ASCC3: variants seen among roughly 807,000 people sequenced by gnomAD.
ASCC3 encodes ASC-1 complex subunit P200.
Under a neutral mutation model 256.3 loss-of-function variants are expected in ASCC3, and 158 were observed. That is an observed-to-expected ratio of 0.62 (90% CI 0.54 to 0.70). The LOEUF is 0.70. Ranked by LOEUF, ASCC3 falls within the 30% of genes least tolerant of loss-of-function variation. The pLI, the probability that ASCC3 is intolerant of heterozygous loss-of-function variation, is 0.00. For missense variants in ASCC3, 2,259 were observed against 2,626.0 expected (o/e 0.86, Z 3.05); for synonymous variants, 948 against 883.4 (o/e 1.07, Z -1.30).
chr6:100,855,541 C>A (rs562928738), intron 3 of ASCC3, among the ~76,000 whole-genome samples: 1 of 152,278 alleles, frequency 6.6e-6, no homozygotes, highest in Non-Finnish European at 1.5e-5. Flanking sequence ...TTTAAAATTT[C>A]TCTTGTAAAA....
intron 4 of ASCC3, among the ~76,000 whole-genome samples, chr6:100,810,091 C>G (rs1159872208): frequency 6.6e-6 from 1 of 152,156 alleles, no homozygotes; most frequent in African/African-American, 2.4e-5. Context: ...TTGATACCTT[C>G]TATTGCTGGT....
chr6:100,531,895 A>T (rs1774896043), intron 37 of ASCC3, among the ~76,000 whole-genome samples: 1 of 152,120 alleles, frequency 6.6e-6, no homozygotes. Context: ...CTGTCACATA[A>T]GTTAAACTAT....
At chr6:100,863,174 T>C (rs947126296) in intron 3 of ASCC3, among the ~76,000 whole-genome samples, 1 of 152,230 alleles carries the variant, frequency 6.6e-6, no homozygotes, top group Non-Finnish European at 1.5e-5. Flanking sequence ...GAATTTGCAA[T>C]ATGATGAATT....
intron 37 of ASCC3, among the ~76,000 whole-genome samples, chr6:100,522,464 T>TA (rs1774360786): frequency 6.6e-6 from 1 of 152,126 alleles, no homozygotes; most frequent in African/African-American, 2.4e-5. Context: ...AGTGAGGTGC[T>TA]ACTATGAAGC....
chr6:100,580,682 C>G (rs911740445), intron 36 of ASCC3, among the ~76,000 whole-genome samples: 3 of 151,930 alleles, frequency 2.0e-5, no homozygotes, highest in Admixed American at 6.6e-5. Flanking sequence ...GCTGCACCCA[C>G]TAACTCGTCA....
At chr6:100,541,089 G>A (rs1259974097) in intron 36 of ASCC3, among the ~76,000 whole-genome samples, 2 of 152,024 alleles carry the variant, frequency 1.3e-5, no homozygotes, top group Admixed American at 1.3e-4. Context: ...AACTAGAACT[G>A]TTCTGTTAAA....
intron 37 of ASCC3, among the ~76,000 whole-genome samples, chr6:100,523,024 G>T (rs1259249896): frequency 2.0e-5 from 3 of 148,376 alleles, no homozygotes; most frequent in African/African-American, 7.5e-5. Context: ...GAAACTTTGT[G>T]AAGTTTTCCT....
At chr6:100,737,434 G>C (rs952976387) in intron 10 of ASCC3, among the ~76,000 whole-genome samples, 2 of 152,036 alleles carry the variant, frequency 1.3e-5, no homozygotes, top group African/African-American at 4.8e-5. Context: ...CTGTGTCTAT[G>C]TGTTCTAATC....
chr6:100,629,098 C>T lies in ASCC3; in HGVS notation c.4292G>A (p.Trp1431Ter). The change falls in exon 27 of 42, where the codon TGG becomes TAG. Residue 1431 changes from tryptophan to a stop codon, truncating the protein, a stop_gained. Coordinates refer to ENST00000369162, the MANE Select transcript of ASCC3 (RefSeq NM_006828.4). LOFTEE classifies it high-confidence loss of function. ...ADLIVTTPEK[W>*]DGVSRSWQNR... ...TTGCCAGCTTCTGCTGACTCCATCC[C>T]ACTTCTCTGGCGTAGTGACGATAAG... 6.2e-7 allele frequency: 1 copy of T among 1,613,758 alleles called. No homozygotes were observed. The highest frequency in any genetic ancestry group is 8.5e-7 in the Non-Finnish European group (1 of 1,179,874).
intron 16 of ASCC3, among the ~76,000 whole-genome samples, 189 bp from the exon 17 acceptor site, chr6:100,656,007 G>A (rs1775897259): frequency 6.6e-6 from 1 of 151,770 alleles, no homozygotes; most frequent in South Asian, 2.1e-4. Flanking sequence ...ATTTAATTGA[G>A]AATGATACAT....
rs141715438 is a variant in ASCC3, at chr6:100,750,593, A to G, written c.1737+15972T>C. The stretch of plus-strand genomic sequence containing the variant: ...ATTTACCCCAGCATCCTTAAAAACC[A>G]TTCCTGTATAAGATTCTCACTAACC... On this transcript the variant is annotated intron_variant, in intron 10 of 41. Transcript: ENST00000369162. 3.1e-3 allele frequency among the ~76,000 whole-genome samples: 475 copies of G among 152,180 alleles called. 4 individuals are homozygous for G. The highest frequency in any genetic ancestry group is 0.011 in the African/African-American group (461 of 41,562).
chr6:100,522,133 A>C (rs1246838058), intron 37 of ASCC3, among the ~76,000 whole-genome samples: 2 of 152,102 alleles, frequency 1.3e-5, no homozygotes, highest in African/African-American at 4.8e-5. Flanking sequence ...TTTACCTCTT[A>C]TCCACTTTCT....
intron 30 of ASCC3, among the ~76,000 whole-genome samples, chr6:100,616,984 G>A (rs1216056090): frequency 6.6e-6 from 1 of 151,626 alleles, no homozygotes; most frequent in Non-Finnish European, 1.5e-5. Flanking sequence ...TGAACTTTTT[G>A]TTGTTGTCGT....
At chr6:100,608,802 T>C (rs1773235217) in intron 30 of ASCC3, among the ~76,000 whole-genome samples, 1 of 112,316 alleles carries the variant, frequency 8.9e-6, no homozygotes, top group Non-Finnish European at 1.8e-5. Context: ...CTCGCTACGT[T>C]GCCCAGGTTG....
chr6:100,700,242 C>A (rs927733862), intron 13 of ASCC3, among the ~76,000 whole-genome samples: 38 of 152,054 alleles, frequency 2.5e-4, no homozygotes, highest in African/African-American at 9.2e-4. Context: ...CCAGCTGCTC[C>A]AGCTATGGCC....
At chr6:100,729,787 C>A (rs2132169) in intron 10 of ASCC3, among the ~76,000 whole-genome samples, 63,637 of 152,038 alleles carry the variant, frequency 0.42, 13,885 homozygotes, top group South Asian at 0.6. Context: ...TAAAAGTATA[C>A]TTTCTTGTCT....
At chr6:100,872,831 A>T (rs1773812805) in intron 1 of ASCC3, among the ~76,000 whole-genome samples, 1 of 152,180 alleles carries the variant, frequency 6.6e-6, no homozygotes, top group Non-Finnish European at 1.5e-5. Context: ...TATCCCTAGG[A>T]AAAGGGGGAG....
rs368736553 is a variant in ASCC3, at chr6:100,766,621, C to T, written c.1681G>A (p.Val561Met). The T allele has an allele frequency of 1.9e-6, 3 of 1,613,936 alleles. No individual in the cohort carries two copies. The highest frequency in any genetic ancestry group is 2.5e-6 in the Non-Finnish European group (3 of 1,179,976). Reference sequence around the variant, plus strand: ...TGCATGTCACCAGTCAATTCTTTCACAATGATGCCTAGTGGCTCTAGACGT... The same window carrying T: ...TGCATGTCACCAGTCAATTCTTTCATAATGATGCCTAGTGGCTCTAGACGT... Reference protein sequence around the residue: ...SRRLEPLGIIVKELTGDMQLS... With the variant: ...SRRLEPLGIIMKELTGDMQLS... Residue 561 changes from valine (V) to methionine (M), a missense_variant, in exon 10 of 42, where the codon GTG (valine) becomes ATG (methionine). By Grantham distance (21) the Val-to-Met change is conservative (BLOSUM62 1). Transcript: ENST00000369162.
intron 4 of ASCC3, among the ~76,000 whole-genome samples, chr6:100,831,699 C>T (rs763507103): frequency 3.9e-4 from 59 of 152,068 alleles, no homozygotes; most frequent in Admixed American, 2.4e-3. Flanking sequence ...AAATTAAGAT[C>T]AGTCTAAAAA....
Sources: gnomAD v4.1 joint callset for allele counts (sites outside exome capture counted in the v4.1 genomes callset) on GRCh38, gnomAD v4.1.1 for gene constraint, MANE v1.5 for transcripts, NCBI Gene and HGNC (gene_info 2026-07-23, HGNC 2026-07-21) for gene names.